Variants in RANBP2 observed in about 807,000 individuals in gnomAD.
RANBP2 encodes E3 SUMO-protein ligase RanBP2.
RANBP2 carries 57 observed loss-of-function variants against 303.6 expected under a neutral mutation model. The observed-to-expected ratio is 0.19, with a 90% CI of 0.15 to 0.23. RANBP2 has a LOEUF of 0.23. Among genes scored for constraint, RANBP2 ranks in the 10% least tolerant of loss-of-function variants. RANBP2 has a pLI of 1.00. For synonymous variants in RANBP2, 1,167 were observed against 1,301.5 expected (o/e 0.90, Z 2.23); for missense variants, 3,138 against 3,780.8 (o/e 0.83, Z 4.46).
the RANBP2 span, among the ~76,000 whole-genome samples, chr2:109,701,059 C>T: frequency 6.6e-6 from 1 of 152,166 alleles, no homozygotes; most frequent in Non-Finnish European, 1.5e-5. Flanking sequence ...GACGCGTTCA[C>T]AGGAGATGGG....
At chr2:109,032,416 G>C in the RANBP2 span, among the ~76,000 whole-genome samples, 1 of 152,172 alleles carries the variant, frequency 6.6e-6, no homozygotes, top group Non-Finnish European at 1.5e-5. Flanking sequence ...TCTGCAAACA[G>C]ATGCTGTGCT....
chr2:109,287,001 A>G, the RANBP2 span, among the ~76,000 whole-genome samples: 1 of 152,150 alleles, frequency 6.6e-6, no homozygotes, highest in Admixed American at 6.5e-5. Context: ...GGGACGTGCA[A>G]CTGTCCCTGT....
At chr2:108,750,596 T>TCTTTTCTTTC (rs1451859814) in intron 9 of RANBP2, among the ~76,000 whole-genome samples, 9 of 146,784 alleles carry the variant, frequency 6.1e-5, no homozygotes, top group Non-Finnish European at 8.9e-5. Context: ...TCTTTTCTTT[T>TCTTTTCTTTC]CTTTTCTTTG....
At chr2:109,579,193 T>C in the RANBP2 span, among the ~76,000 whole-genome samples, 1 of 152,136 alleles carries the variant, frequency 6.6e-6, no homozygotes, top group Non-Finnish European at 1.5e-5. Context: ...ATGGACAGAT[T>C]CCTGGAAAAT....
At chr2:109,494,857 G>A in the RANBP2 span, among the ~76,000 whole-genome samples, 5,685 of 152,190 alleles carry the variant, frequency 0.037, 362 homozygotes, top group African/African-American at 0.13. Context: ...GAAAGAGAGC[G>A]GGCGCTGCTC....
At chr2:109,105,721 AT>A in the RANBP2 span, among the ~76,000 whole-genome samples, 1 of 150,468 alleles carries the variant, frequency 6.6e-6, no homozygotes, top group Non-Finnish European at 1.5e-5. Flanking sequence ...CGCCCAGCTA[AT>A]TTTTTTGTAT....
downstream of RANBP2, among the ~76,000 whole-genome samples, chr2:108,789,195 A>G (rs934007136): frequency 6.6e-6 from 1 of 152,208 alleles, no homozygotes; most frequent in Non-Finnish European, 1.5e-5. Context: ...CATAATGGAA[A>G]GTTATTTATA....
chr2:109,258,328 A>G, the RANBP2 span, among the ~76,000 whole-genome samples: 1 of 152,164 alleles, frequency 6.6e-6, no homozygotes, highest in African/African-American at 2.4e-5. Context: ...TCTTGTCCCC[A>G]TTCTAAAGAG....
At chr2:109,241,605 G>A in the RANBP2 span, among the ~76,000 whole-genome samples, 2 of 151,992 alleles carry the variant, frequency 1.3e-5, no homozygotes, top group African/African-American at 2.4e-5. Context: ...GGCTTGGTTC[G>A]GTCAGCTCTG....
At chr2:109,051,703 T>C in the RANBP2 span, among the ~76,000 whole-genome samples, 1 of 152,078 alleles carries the variant, frequency 6.6e-6, no homozygotes, top group Non-Finnish European at 1.5e-5. Flanking sequence ...GCAATGTCTC[T>C]CTGCTTTTGT....
the RANBP2 span, among the ~76,000 whole-genome samples, chr2:108,937,335 G>C: frequency 0.015 from 2,225 of 152,352 alleles, 25 homozygotes; most frequent in South Asian, 0.03. Flanking sequence ...GGCCCTAAGT[G>C]TCTCAAGGGT....
At chr2:109,468,575 C>T in the RANBP2 span, among the ~76,000 whole-genome samples, 3 of 151,998 alleles carry the variant, frequency 2.0e-5, no homozygotes, top group Non-Finnish European at 4.4e-5. Flanking sequence ...GAAGTTAGGC[C>T]CGGTGTGGTA....
At chr2:109,463,625 A>G in the RANBP2 span, among the ~76,000 whole-genome samples, 1 of 152,214 alleles carries the variant, frequency 6.6e-6, no homozygotes, top group Non-Finnish European at 1.5e-5. Flanking sequence ...GGACTCTGGA[A>G]GCAATGGGGA....
At chr2:109,464,722 A>G in the RANBP2 span, among the ~76,000 whole-genome samples, 1 of 152,050 alleles carries the variant, frequency 6.6e-6, no homozygotes, top group Admixed American at 6.5e-5. Context: ...GTCCTCATAT[A>G]CTCCCTGCTC....
chr2:109,117,969 A>G, the RANBP2 span, among the ~76,000 whole-genome samples: 1 of 152,184 alleles, frequency 6.6e-6, no homozygotes, highest in Non-Finnish European at 1.5e-5. Context: ...CTCTGAGGCA[A>G]GATTGTGAAA....
At chr2:108,744,945 T>G (rs1248701222) in intron 7 of RANBP2, among the ~76,000 whole-genome samples, 1 of 152,150 alleles carries the variant, frequency 6.6e-6, no homozygotes, top group Non-Finnish European at 1.5e-5. Flanking sequence ...ATTTGAACAT[T>G]GCATTTACTT....
the RANBP2 span, among the ~76,000 whole-genome samples, chr2:109,107,480 C>G: frequency 1.3e-5 from 2 of 152,176 alleles, no homozygotes; most frequent in African/African-American, 4.8e-5. Context: ...TCCGGCATCT[C>G]TGGAAGTGAT....
chr2:109,716,943 G>T, the RANBP2 span, among the ~76,000 whole-genome samples: 1 of 152,284 alleles, frequency 6.6e-6, no homozygotes, highest in African/African-American at 2.4e-5. Context: ...AGGAGCAAAA[G>T]GAAAGGCAAC....
At chr2:109,475,372 A>G in the RANBP2 span, among the ~76,000 whole-genome samples, 1 of 152,180 alleles carries the variant, frequency 6.6e-6, no homozygotes, top group Non-Finnish European at 1.5e-5. Flanking sequence ...AAGCAAACCC[A>G]CGCAAAGTGG....
Sources: gnomAD v4.1 joint callset for allele counts (sites outside exome capture counted in the v4.1 genomes callset) on GRCh38, gnomAD v4.1.1 for gene constraint, MANE v1.5 for transcripts, NCBI Gene and HGNC (gene_info 2026-07-23, HGNC 2026-07-21) for gene names.